FBXL7: variants seen among roughly 807,000 people sequenced by gnomAD.
FBXL7 encodes F-box and leucine rich repeat protein 7.
FBXL7 carries 12 observed loss-of-function variants against 38.3 expected under a neutral mutation model. The observed-to-expected ratio is 0.31, with a 90% CI of 0.20 to 0.51. The LOEUF is 0.51. FBXL7 is among the 20% of genes least tolerant of loss of function. FBXL7 has a pLI of 0.98. For synonymous variants in FBXL7, 297 were observed against 300.9 expected (o/e 0.99, Z 0.13); for missense variants, 567 against 676.4 (o/e 0.84, Z 1.79).
chr5:15,516,293 A>G (rs1476769203), intron 1 of FBXL7, among the ~76,000 whole-genome samples: 5 of 152,172 alleles, frequency 3.3e-5, no homozygotes, highest in African/African-American at 7.2e-5. Context: ...CCGTCATGGT[A>G]TACTCGATTC....
intron 2 of FBXL7, among the ~76,000 whole-genome samples, chr5:15,683,525 C>T (rs568784282): frequency 6.6e-6 from 1 of 152,160 alleles, no homozygotes; most frequent in Non-Finnish European, 1.5e-5. Flanking sequence ...GAGATATAAA[C>T]CATGTATTCT....
intron 2 of FBXL7, among the ~76,000 whole-genome samples, chr5:15,624,831 G>A (rs915181566): frequency 8.7e-5 from 13 of 148,838 alleles, no homozygotes; most frequent in African/African-American, 2.9e-4. Context: ...AACTGTTTAT[G>A]TAAAATTAAA....
intron 1 of FBXL7, among the ~76,000 whole-genome samples, chr5:15,567,728 T>C (rs1266760120): frequency 6.6e-6 from 1 of 152,044 alleles, no homozygotes; most frequent in Non-Finnish European, 1.5e-5. Context: ...GTATATCTCC[T>C]AATGCTATCC....
intron 2 of FBXL7, among the ~76,000 whole-genome samples, chr5:15,809,299 G>T (rs567045332): frequency 6.6e-6 from 1 of 152,260 alleles, no homozygotes; most frequent in Non-Finnish European, 1.5e-5. Context: ...TCCTTCAGGG[G>T]TTACCATTCC....
chr5:15,598,705 GAGAA>G, intron 1 of FBXL7, among the ~76,000 whole-genome samples: 1 of 152,280 alleles, frequency 6.6e-6, no homozygotes, highest in South Asian at 2.1e-4. Context: ...TCCAGAGAGA[GAGAA>G]AGAGAGCACG....
chr5:15,811,388 C>T (rs1737854654), intron 2 of FBXL7, among the ~76,000 whole-genome samples: 1 of 152,134 alleles, frequency 6.6e-6, no homozygotes, highest in South Asian at 2.1e-4. Context: ...AAATGGTCCT[C>T]TTCTCCCAGT....
chr5:15,774,035 A>C (rs1736797117), intron 2 of FBXL7, among the ~76,000 whole-genome samples: 2 of 150,038 alleles, frequency 1.3e-5, no homozygotes, highest in South Asian at 4.2e-4. Context: ...ATTTAATGAC[A>C]AAAAAAAACC....
chr5:15,776,559 A>G (rs1402684274), intron 2 of FBXL7, among the ~76,000 whole-genome samples: 2 of 152,086 alleles, frequency 1.3e-5, no homozygotes, highest in South Asian at 2.1e-4. Flanking sequence ...TCTTGCACCC[A>G]TTTTCTAAGC....
chr5:15,516,952 A>G (rs1415170541), intron 1 of FBXL7, among the ~76,000 whole-genome samples: 1 of 152,182 alleles, frequency 6.6e-6, no homozygotes, highest in Non-Finnish European at 1.5e-5. Flanking sequence ...AGTCTTGGGT[A>G]TGTCTTTATT....
chr5:15,548,500 G>A (rs1022506988), intron 1 of FBXL7, among the ~76,000 whole-genome samples: 1 of 152,190 alleles, frequency 6.6e-6, no homozygotes, highest in African/African-American at 2.4e-5. Context: ...TTAACCAGGA[G>A]CATTTTGCTT....
At chr5:15,912,869 T>C (rs1741474779) in intron 2 of FBXL7, among the ~76,000 whole-genome samples, 1 of 152,072 alleles carries the variant, frequency 6.6e-6, no homozygotes, top group African/African-American at 2.4e-5. Flanking sequence ...ATTATGAACT[T>C]AGACTGTAGT....
intron 1 of FBXL7, among the ~76,000 whole-genome samples, chr5:15,529,487 G>A (rs1456381656): frequency 3.3e-5 from 5 of 151,890 alleles, no homozygotes; most frequent in Admixed American, 6.6e-5. Flanking sequence ...CTGGGTTCAC[G>A]GCATTCTCCT....
In FBXL7 at chr5:15,500,433, C is replaced by A; in HGVS notation, c.-244C>A. The A allele has an allele frequency of 4.2e-6, 2 of 480,982 alleles. No homozygotes were observed. Among genetic ancestry groups the A allele is most frequent in the Non-Finnish European group, 3.6e-6 (1 of 274,732 alleles). The allele number at this position is 480,982 out of a possible 1,614,324, so 29.8% of individuals were successfully genotyped here. A position where few individuals can be genotyped will look rare whatever the true frequency, so the allele number is the denominator to read the frequency against. On this transcript the variant is annotated 5_prime_UTR_variant, in exon 1 of 4. Transcript: ENST00000504595. ...CGGCGCTGCGCCCGCCGGCCCCCAG[C>A]GCGGATTGTAAGTGCTGCAGCTGTG...
In FBXL7 at chr5:15,936,504, C is replaced by T. The variant is rs1742190786; in HGVS notation, c.794C>T (p.Ser265Leu). 2 of 1,613,452 alleles carry T rather than the reference C, an allele frequency of 1.2e-6. No individual in the cohort carries two copies. The highest frequency in any genetic ancestry group is 1.7e-5 in the Admixed American group (1 of 60,018). ...SLTREASIKL[S>L]PLHGKQISIR... ...ACCCGGGAGGCCTCCATTAAACTGT[C>T]ACCCTTGCATGGCAAACAGATTTCC... The change falls in exon 4 of 4, where the codon TCA becomes TTA. Residue 265 changes from serine to leucine, a missense_variant. Coordinates refer to ENST00000504595, the MANE Select transcript of FBXL7 (RefSeq NM_012304.5). This position sits in a 1 kb window ranked among gnomAD's most constrained non-coding sequence, Gnocchi z 6.0.
At position 15,572,689 on chromosome 5, in the gene FBXL7, T is replaced by C. The variant is rs140243097; in HGVS notation, c.38-43294T>C. Among the ~76,000 whole-genome samples the C allele has an allele frequency of 2.1e-3, 317 of 152,286 alleles. 2 individuals are homozygous for C. Among genetic ancestry groups the C allele is most frequent in the African/African-American group, 7.1e-3 (297 of 41,576 alleles). ...GGGTGGAGATGGGCCCATGTCATGC[T>C]GGTTTTCTATTGTGGAACATTGACT... On this transcript the variant is annotated intron_variant, in intron 1 of 3. Transcript: ENST00000504595.
At chr5:15,915,808 A>C (rs544844628) in intron 2 of FBXL7, among the ~76,000 whole-genome samples, 4 of 152,296 alleles carry the variant, frequency 2.6e-5, no homozygotes, top group African/African-American at 9.6e-5. Flanking sequence ...TAGAATCAGG[A>C]GTCTCAGTTA....
intron 1 of FBXL7, among the ~76,000 whole-genome samples, chr5:15,559,910 CT>C (rs1222261292): frequency 2.6e-4 from 40 of 152,204 alleles, no homozygotes; most frequent in African/African-American, 9.2e-4. Context: ...ACTATCTCTA[CT>C]TGTGAATTCA....
intron 1 of FBXL7, among the ~76,000 whole-genome samples, chr5:15,572,088 G>T (rs1738807425): frequency 6.6e-6 from 1 of 152,132 alleles, no homozygotes; most frequent in South Asian, 2.1e-4. Flanking sequence ...AAAAATGTCT[G>T]TAAGTCACCA....
intron 1 of FBXL7, among the ~76,000 whole-genome samples, chr5:15,586,579 C>T (rs966841834): frequency 6.6e-6 from 1 of 152,026 alleles, no homozygotes; most frequent in Non-Finnish European, 1.5e-5. Context: ...CTGGTTGAAC[C>T]AGATCTCTAG....
Sources: allele counts gnomAD v4.1 joint callset (sites outside exome capture counted in the v4.1 genomes callset), GRCh38; gene constraint gnomAD v4.1.1; non-coding constraint Gnocchi (gnomAD v3.1); transcripts MANE v1.5; gene names NCBI Gene and HGNC (gene_info 2026-07-23, HGNC 2026-07-21).